RPS20: variants seen among roughly 807,000 people sequenced by gnomAD.
RPS20 encodes the protein small ribosomal subunit protein uS10.
Under a neutral mutation model 15.3 loss-of-function variants are expected in RPS20, and 3 were observed. That is an observed-to-expected ratio of 0.20 (90% confidence interval 0.09 to 0.51). The LOEUF (loss-of-function observed/expected upper bound fraction) is 0.51. Among genes scored for constraint, RPS20 ranks in the 20% least tolerant of loss-of-function variants. RPS20 has a pLI of 0.96. For synonymous variants in RPS20, 62 were observed against 47.8 expected, an observed-to-expected ratio of 1.30 and a Z score of -1.23; for missense variants, 67 against 145.9, an observed-to-expected ratio of 0.46 and a Z score of 2.79.
downstream of RPS20, among the ~76,000 whole-genome samples, chr8:56,070,286 T>A (rs956262662): frequency 5.3e-5 from 8 of 152,166 alleles, no homozygotes; most frequent in African/African-American, 1.9e-4. Flanking sequence ...TAACTGAGGC[T>A]CAAAGTCAAG....
At chr8:56,072,144 G>A (rs907002725), downstream of RPS20, among the ~76,000 whole-genome samples, 1 of 152,200 alleles carries the variant, frequency 6.6e-6, no homozygotes, top group African/African-American at 2.4e-5. Flanking sequence ...GGCAGTTTGA[G>A]GTGGATTGCA....
At chr8:56,073,674 T>C (rs775126101) in intron 3 of RPS20, 21 bp downstream of exon 3, 1 of 1,603,966 alleles carries the variant, frequency 6.2e-7, no homozygotes. Flanking sequence ...TCCTACTTCC[T>C]GCCCCTCCGA....
chr8:56,074,024 A>C, intron 2 of RPS20, 36 bp downstream of exon 2: 2 of 1,519,134 alleles, frequency 1.3e-6, no homozygotes, highest in East Asian at 2.3e-5. Context: ...CTTTTCGCCC[A>C]ATTCCCCCTC....
intron 1 of RPS20, 53 bp from the exon 2 acceptor site, chr8:56,074,212 C>G (rs751452440): frequency 3.2e-6 from 5 of 1,555,248 alleles, no homozygotes; most frequent in Non-Finnish European, 4.4e-6. Flanking sequence ...TCTGCCACTT[C>G]TGGAGAAAGG....
chr8:56,072,002 T>C (rs574819329), downstream of RPS20, among the ~76,000 whole-genome samples: 1 of 152,280 alleles, frequency 6.6e-6, no homozygotes, highest in African/African-American at 2.4e-5. Flanking sequence ...AGCAGTTTAG[T>C]AGGCTAACAC....
At position 56,074,450 on chromosome 8, in the gene RPS20, G is replaced by C; in HGVS notation, c.-67C>G. On this transcript the variant is annotated 5_prime_UTR_variant, in exon 1 of 4. Coordinates refer to ENST00000009589, the MANE Select transcript of RPS20 (RefSeq NM_001023.4). ...GAGAGCGAACAGCGGTGAGTCAGGA[G>C]CAGGAGCGTGCGGACCAAAAATCCT... The C allele has an allele frequency of 6.6e-7, 1 of 1,524,470 alleles. No individual in the cohort carries two copies. The highest frequency in any genetic ancestry group is 1.2e-5 in the South Asian group (1 of 83,824). 94.4% of individuals were successfully genotyped at this position (1,524,470 alleles called of 1,614,324 possible).
intron 3 of RPS20, 141 bp from the exon 4 acceptor site, chr8:56,073,413 ATGGGT>A: frequency 1.5e-6 from 1 of 687,452 alleles, no homozygotes; most frequent in Non-Finnish European, 2.5e-6. Context: ...TTCAGGTACC[ATGGGT>A]TGAAAATGCC....
Position 56,074,298 on chromosome 8 carries a change from C to T in RPS20, c.3+83G>A, listed in dbSNP as rs774164222. On this transcript the variant is annotated intron_variant, in intron 1 of 3. Transcript: ENST00000009589. Reference sequence around the variant, plus strand: ...CGCCCCTACACGCCCCGGCATCTGCCCTCAGGAGCACGAACTCGAAACCGG... The same window carrying T: ...CGCCCCTACACGCCCCGGCATCTGCTCTCAGGAGCACGAACTCGAAACCGG... 1.2e-5 allele frequency: 19 copies of T among 1,542,450 alleles called. No homozygotes were observed. In the Admixed American group the frequency reaches 2.6e-4, roughly 21 times the overall value.
chr8:56,068,176 G>A (rs192531415), downstream of RPS20: 1 of 152,222 alleles, frequency 6.6e-6, no homozygotes, highest in East Asian at 1.9e-4. Context: ...TTTTGTGTAT[G>A]TTTGAAATTT....
intron 2 of RPS20, 144 bp downstream of exon 2, chr8:56,073,916 A>G (rs1809845420): frequency 9.1e-7 from 1 of 1,101,036 alleles, no homozygotes; most frequent in Non-Finnish European, 1.4e-6. Flanking sequence ...TATGACAGTA[A>G]AAGCAATTTT....
intron 2 of RPS20, 89 bp downstream of exon 2, chr8:56,073,971 G>T: frequency 8.3e-7 from 1 of 1,205,288 alleles, no homozygotes; most frequent in Non-Finnish European, 1.2e-6. Context: ...TTTAGTTCTT[G>T]CAGTCCACCT....
At chr8:56,069,246 TTTA>T (rs1401080297), downstream of RPS20, among the ~76,000 whole-genome samples, 1 of 148,816 alleles carries the variant, frequency 6.7e-6, no homozygotes, top group Non-Finnish European at 1.5e-5. Context: ...TACTTTTTCC[TTTA>T]TTATTTTTTT....
downstream of RPS20, among the ~76,000 whole-genome samples, chr8:56,072,544 G>A (rs919718728): frequency 3.0e-4 from 43 of 145,144 alleles, no homozygotes; most frequent in Admixed American, 6.3e-4. Flanking sequence ...AGAGCAAAAC[G>A]CCGTCCCCCC....
chr8:56,072,809 C>A (rs978578383), downstream of RPS20: 3 of 1,093,024 alleles, frequency 2.7e-6, no homozygotes, highest in Admixed American at 1.3e-4. Context: ...AACCTTAACA[C>A]CCCATACCAA....
chr8:56,067,840 T>C (rs1809653196), exon 6 of RPS20: 1 of 151,962 alleles, frequency 6.6e-6, no homozygotes, highest in Non-Finnish European at 1.5e-5. Context: ...AAAAAGAAAG[T>C]AAAATTGTGG....
At chr8:56,069,636 G>C, downstream of RPS20, 1 of 1,047,720 alleles carries the variant, frequency 9.5e-7, no homozygotes, top group Non-Finnish European at 1.4e-6. Context: ...AATTTCATTT[G>C]CATCCACTGA....
chr8:56,068,803 A>ATTTTTTTT (rs1563345604), downstream of RPS20, among the ~76,000 whole-genome samples: 1 of 92,608 alleles, frequency 1.1e-5, no homozygotes, highest in Non-Finnish European at 2.2e-5. Context: ...CTTGGTGAAA[A>ATTTTTTTT]TATCTTTTTT....
rs564473232 is a variant in RPS20, at chr8:56,074,321, C to A, written c.3+60G>T. 9.8e-5 allele frequency: 151 copies of A among 1,547,484 alleles called. 1 individual carries two copies. In the South Asian group the frequency reaches 1.6e-3, roughly 16 times the overall value. ...GCCCTCAGGAGCACGAACTCGAAAC[C>A]GGGGTCCCCCCGGCGCCCGAGCCCT... On this transcript the variant is annotated intron_variant, in intron 1 of 3. Coordinates refer to ENST00000009589, the MANE Select transcript of RPS20 (RefSeq NM_001023.4).
chr8:56,073,070 A>C lies in RPS20; in HGVS notation c.*20T>G. 1.3e-6 allele frequency: 2 copies of C among 1,583,288 alleles called. No individual in the cohort carries two copies. Among genetic ancestry groups the C allele is most frequent in the Non-Finnish European group, 1.7e-6 (2 of 1,171,454 alleles). On this transcript the variant is annotated 3_prime_UTR_variant, in exon 4 of 4. Transcript: ENST00000009589. ...CAACAGAAGTTAACAACTGGTCATC[A>C]ATTTATTAAAATAGTTGACTTAAGC...
Sources: allele counts gnomAD v4.1 joint callset (sites outside exome capture counted in the v4.1 genomes callset), GRCh38; gene constraint gnomAD v4.1.1; transcripts MANE v1.5; gene names NCBI Gene and HGNC (gene_info 2026-07-23, HGNC 2026-07-21).